MAST4: variants seen among roughly 807,000 people sequenced by gnomAD.
MAST4 encodes the protein microtubule-associated serine/threonine-protein kinase 4.
MAST4 carries 89 observed loss-of-function variants against 162.7 expected under a neutral mutation model. That is an observed-to-expected ratio of 0.55 (90% CI 0.46 to 0.65). MAST4 has a LOEUF of 0.65. Among genes scored for constraint, MAST4 ranks in the 30% least tolerant of loss-of-function variants. The pLI, the probability that MAST4 is intolerant of heterozygous loss-of-function variation, is 0.00. For synonymous variants in MAST4, 1,479 were observed against 1,361.1 expected (o/e 1.09, Z -1.91); for missense variants, 3,153 against 3,374.0 (o/e 0.93, Z 1.62).
chr5:67,092,378 A>G (rs919039678), intron 6 of MAST4, among the ~76,000 whole-genome samples: 3 of 152,248 alleles, frequency 2.0e-5, no homozygotes, highest in South Asian at 2.1e-4. Flanking sequence ...CTTGCTTTCT[A>G]TATTTTAAAA....
At position 66,686,123 on chromosome 5, in the gene MAST4, G is replaced by A. The variant is rs149035770; in HGVS notation, c.364-73586G>A. On this transcript the variant is annotated intron_variant, in intron 1 of 28. Transcript: ENST00000403625. Reference sequence around the variant, plus strand: ...TGTCGCGGACCTCTGCTCTAGAGTCGCACCACCCAGATTAAAATCTTGGCC... The same window carrying A: ...TGTCGCGGACCTCTGCTCTAGAGTCACACCACCCAGATTAAAATCTTGGCC... Among the ~76,000 whole-genome samples, 23 of 152,140 alleles carry A rather than the reference G, an allele frequency of 1.5e-4. No individual in the cohort carries two copies. In the East Asian group the frequency reaches 3.1e-3, roughly 21 times the overall value.
chr5:67,161,245 G>A (rs1430298102), intron 27 of MAST4, among the ~76,000 whole-genome samples: 2 of 152,078 alleles, frequency 1.3e-5, no homozygotes, highest in Non-Finnish European at 1.5e-5. Context: ...TGGGCCTGAT[G>A]AGTCACATCA....
At chr5:66,629,932 G>A (rs2149419984) in intron 1 of MAST4, among the ~76,000 whole-genome samples, 1 of 152,292 alleles carries the variant, frequency 6.6e-6, no homozygotes, top group South Asian at 2.1e-4. Context: ...CTATTAACTT[G>A]TAAGTAACAA....
chr5:66,885,013 G>A (rs977443728), intron 3 of MAST4, among the ~76,000 whole-genome samples: 1 of 152,176 alleles, frequency 6.6e-6, no homozygotes, highest in African/African-American at 2.4e-5. Flanking sequence ...TCGACGGAGT[G>A]TTATGCAAGT....
At chr5:66,876,830 T>C (rs1183710625) in intron 3 of MAST4, among the ~76,000 whole-genome samples, 1 of 152,012 alleles carries the variant, frequency 6.6e-6, no homozygotes, top group Non-Finnish European at 1.5e-5. Context: ...GTTGGGTAAA[T>C]GGGGGAATGT....
At chr5:67,103,291 C>A (rs1398285096) in intron 9 of MAST4, among the ~76,000 whole-genome samples, 1 of 152,214 alleles carries the variant, frequency 6.6e-6, no homozygotes, top group Non-Finnish European at 1.5e-5. Context: ...CCCCTCTCCA[C>A]GTTTTTCCGA....
At chr5:66,629,536 T>TA (rs536323380) in intron 1 of MAST4, among the ~76,000 whole-genome samples, 119 of 152,334 alleles carry the variant, frequency 7.8e-4, no homozygotes, top group African/African-American at 2.8e-3. Flanking sequence ...TATCTCCATT[T>TA]ATCTCAGTGA....
intron 4 of MAST4, chr5:66,959,268 G>C (rs1244656791): frequency 5.1e-6 from 4 of 779,588 alleles, no homozygotes; most frequent in South Asian, 2.7e-5. Context: ...AGCGGGAAAG[G>C]CTACAGATTC....
At chr5:66,707,452 G>T (rs1750209543) in intron 1 of MAST4, among the ~76,000 whole-genome samples, 1 of 152,174 alleles carries the variant, frequency 6.6e-6, no homozygotes. Flanking sequence ...CTTAAAAACA[G>T]AAATGAATTT....
intron 2 of MAST4, among the ~76,000 whole-genome samples, chr5:66,777,104 G>A (rs1754639563): frequency 6.6e-6 from 1 of 152,174 alleles, no homozygotes; most frequent in African/African-American, 2.4e-5. Flanking sequence ...AGAGGTCAAG[G>A]TATTTATCCG....
intron 4 of MAST4, among the ~76,000 whole-genome samples, chr5:66,924,216 C>T (rs190314106): frequency 1.7e-3 from 266 of 152,212 alleles, no homozygotes; most frequent in African/African-American, 5.9e-3. Context: ...TACATTTTGA[C>T]CTTTCTGAAC....
At position 67,167,003 on chromosome 5, in the gene MAST4, G is replaced by A. The variant is rs371044549; in HGVS notation, c.7824G>A (p.Arg2608=). 1.4e-5 allele frequency: 23 copies of A among 1,608,276 alleles called. No homozygotes were observed. Among genetic ancestry groups the A allele is most frequent in the Non-Finnish European group, 2.0e-5 (23 of 1,177,774 alleles). ...SNEKDFVVRQ[R]RGKESLRSSP... ...AGAAGGACTTTGTGGTACGGCAGAGGCGGGGGAAAGAGAGTTTGCGTAGCA... is the reference window on the plus strand; with the variant it reads ...AGAAGGACTTTGTGGTACGGCAGAGACGGGGGAAAGAGAGTTTGCGTAGCA... The change falls in exon 29 of 29, where the codon AGG becomes AGA. Residue 2608 remains arginine (R), a synonymous_variant. Coordinates refer to ENST00000403625, the MANE Select transcript of MAST4 (RefSeq NM_001164664.2).
intron 4 of MAST4, among the ~76,000 whole-genome samples, chr5:67,053,318 C>T (rs911405835): frequency 6.6e-6 from 1 of 152,212 alleles, no homozygotes; most frequent in Non-Finnish European, 1.5e-5. Context: ...GAAATGTTAT[C>T]TCACTGTACC....
intron 3 of MAST4, among the ~76,000 whole-genome samples, chr5:66,832,352 A>G (rs1757664461): frequency 6.6e-6 from 1 of 152,202 alleles, no homozygotes. Context: ...TTAGACTTCT[A>G]GATCTGTGAG....
At chr5:66,871,988 A>G (rs1461877375) in intron 3 of MAST4, among the ~76,000 whole-genome samples, 1 of 152,184 alleles carries the variant, frequency 6.6e-6, no homozygotes, top group East Asian at 1.9e-4. Context: ...GTGAGCAGCA[A>G]GCCACTGATA....
intron 4 of MAST4, among the ~76,000 whole-genome samples, chr5:66,948,251 A>C (rs1561470084): frequency 6.6e-6 from 1 of 152,172 alleles, no homozygotes; most frequent in East Asian, 1.9e-4. Context: ...CCGAGTTCCA[A>C]AGGACCAAAG....
chr5:66,845,270 C>A (rs1019567555), intron 3 of MAST4, among the ~76,000 whole-genome samples: 1 of 151,560 alleles, frequency 6.6e-6, no homozygotes, highest in East Asian at 1.9e-4. Flanking sequence ...CCTCACCCAT[C>A]CCTCCACCCC....
rs536820658 is a variant in MAST4 at position 67,162,957 on chromosome 5, A to G, written c.3967+169A>G. On this transcript the variant is annotated intron_variant, in intron 28 of 28. Coordinates refer to ENST00000403625, the MANE Select transcript of MAST4 (RefSeq NM_001164664.2). ...AGATGTGGCTATTCTGACCAAACAA[A>G]TAAGTCAAGAAGTATGGGGCTAAAC... 8.5e-5 allele frequency among the ~76,000 whole-genome samples: 13 copies of G among 152,322 alleles called. No individual in the cohort carries two copies. In the South Asian group the frequency reaches 1.5e-3, roughly 17 times the overall value.
chr5:67,134,048 A>C (rs1769322221), intron 17 of MAST4, among the ~76,000 whole-genome samples: 1 of 152,124 alleles, frequency 6.6e-6, no homozygotes, highest in African/African-American at 2.4e-5. Context: ...CCTCATTACC[A>C]TGTCCCCACA....
Sources: allele counts gnomAD v4.1 joint callset (sites outside exome capture counted in the v4.1 genomes callset), GRCh38; gene constraint gnomAD v4.1.1; transcripts MANE v1.5; gene names NCBI Gene and HGNC (gene_info 2026-07-23, HGNC 2026-07-21).